Variants in PCDHA9 observed in about 807,000 individuals in gnomAD.
PCDHA9 encodes the protein protocadherin alpha-9.
PCDHA9 carries 62 observed loss-of-function variants against 62.0 expected under a neutral mutation model. The ratio of observed to expected loss-of-function variants is 1.00; its 90% CI spans 0.81 to 1.23. The LOEUF is 1.23. PCDHA9 is among the 50% of genes most tolerant of loss of function. The pLI, the probability that PCDHA9 is intolerant of heterozygous loss-of-function variation, is 0.00. For missense variants in PCDHA9, 1,205 were observed against 1,249.8 expected, an observed-to-expected ratio of 0.96 and a Z score of 0.54; for synonymous variants, 557 against 567.6, an observed-to-expected ratio of 0.98 and a Z score of 0.27.
chr5:140,942,280 C>T (rs1157451404), intron 1 of PCDHA9, among the ~76,000 whole-genome samples: 6 of 152,030 alleles, frequency 3.9e-5, no homozygotes, highest in African/African-American at 1.5e-4. Context: ...AATGGTGGCT[C>T]ATGCCTGTAA....
chr5:140,908,846 T>C (rs2074185614), intron 1 of PCDHA9, among the ~76,000 whole-genome samples: 1 of 152,176 alleles, frequency 6.6e-6, no homozygotes, highest in South Asian at 2.1e-4. Context: ...TGGAGTAACA[T>C]ACCCAAATGA....
intron 1 of PCDHA9, among the ~76,000 whole-genome samples, chr5:140,936,386 A>C (rs1321919652): frequency 6.6e-6 from 1 of 152,190 alleles, no homozygotes; most frequent in African/African-American, 2.4e-5. Context: ...GTGGCTAGTG[A>C]AACTGGGCTA....
chr5:140,959,116 G>A (rs2095468018), intron 1 of PCDHA9, among the ~76,000 whole-genome samples: 1 of 152,002 alleles, frequency 6.6e-6, no homozygotes, highest in South Asian at 2.1e-4. Context: ...TCCGAAGGTG[G>A]GCGAGGTGAG....
intron 1 of PCDHA9, chr5:140,968,944 G>C (rs782732835): frequency 1.2e-6 from 2 of 1,614,152 alleles, no homozygotes; most frequent in Non-Finnish European, 8.5e-7. Context: ...TCATCATTTT[G>C]AGCATCATCA....
intron 1 of PCDHA9, among the ~76,000 whole-genome samples, chr5:140,932,017 G>GT (rs1385498128): frequency 2.6e-5 from 4 of 151,792 alleles, no homozygotes; most frequent in African/African-American, 9.7e-5. Context: ...TTAGTTTACG[G>GT]TAAGTTTACA....
chr5:140,850,690 G>A lies in PCDHA9; in HGVS notation c.2195G>A (p.Cys732Tyr). 6.3e-7 allele frequency: 1 copy of A among 1,598,402 alleles called. No individual in the cohort carries two copies. The highest frequency in any genetic ancestry group is 8.6e-7 in the Non-Finnish European group (1 of 1,167,830). ...TCGGCGATGCCCACCGAGGGCGAGT[G>A]CGCGCCTGGCAAGCCGACGCTGGTG... ...RCSAMPTEGE[C>Y]APGKPTLVCS... The change falls in exon 1 of 4, where the codon TGC becomes TAC. Residue 732 changes from cysteine (C) to tyrosine (Y), a missense_variant. By Grantham distance (194) the Cys-to-Tyr change is radical. Coordinates refer to ENST00000532602, the MANE Select transcript of PCDHA9 (RefSeq NM_031857.2).
At chr5:140,933,630 C>T (rs2089281438) in intron 1 of PCDHA9, among the ~76,000 whole-genome samples, 1 of 151,952 alleles carries the variant, frequency 6.6e-6, no homozygotes, top group Admixed American at 6.6e-5. Flanking sequence ...TAGGCTGGCC[C>T]TGTTAAACAA....
intron 1 of PCDHA9, chr5:140,876,844 C>T (rs200154646): frequency 1.2e-6 from 2 of 1,614,016 alleles, no homozygotes; most frequent in East Asian, 2.2e-5. Context: ...GTTCGCGCAG[C>T]CCGAGTACAC....
intron 1 of PCDHA9, chr5:140,875,824 C>T (rs1554167977): frequency 7.4e-6 from 12 of 1,614,156 alleles, no homozygotes; most frequent in East Asian, 2.2e-5. Context: ...GCAGGTTTTC[C>T]ATGTGGACGT....
At chr5:140,892,236 C>T (rs1490048562) in intron 1 of PCDHA9, among the ~76,000 whole-genome samples, 3 of 152,140 alleles carry the variant, frequency 2.0e-5, no homozygotes, top group African/African-American at 7.2e-5. Context: ...TTTGTCTCCA[C>T]ATAAACCTGG....
intron 1 of PCDHA9, among the ~76,000 whole-genome samples, chr5:140,945,407 T>G (rs554073823): frequency 6.6e-6 from 1 of 152,128 alleles, no homozygotes; most frequent in Non-Finnish European, 1.5e-5. Context: ...ATACAATTCG[T>G]ATCAAAATTT....
At chr5:140,882,454 C>G (rs782708863) in intron 1 of PCDHA9, 12 of 1,613,934 alleles carry the variant, frequency 7.4e-6, no homozygotes, top group Non-Finnish European at 1.0e-5. Flanking sequence ...TGGTGCCGCG[C>G]CTGTTCCGGG....
At chr5:140,984,693 A>G (rs1587034361) in intron 3 of PCDHA9, among the ~76,000 whole-genome samples, 1 of 152,264 alleles carries the variant, frequency 6.6e-6, no homozygotes, top group East Asian at 1.9e-4. Flanking sequence ...TATGTTCTGC[A>G]CTGCTTGGAG....
chr5:140,871,326 C>T (rs2052980774), intron 1 of PCDHA9: 1 of 1,613,978 alleles, frequency 6.2e-7, no homozygotes, highest in African/African-American at 1.3e-5. Context: ...TGGTGTGCTC[C>T]CGCGCGGTGG....
chr5:140,975,903 C>A (rs1189531342), intron 1 of PCDHA9, among the ~76,000 whole-genome samples: 1 of 152,090 alleles, frequency 6.6e-6, no homozygotes, highest in Admixed American at 6.6e-5. Context: ...AGTTTTGTGA[C>A]CATTATTCTA....
chr5:140,905,011 T>A (rs551000720), intron 1 of PCDHA9, among the ~76,000 whole-genome samples: 44 of 152,296 alleles, frequency 2.9e-4, no homozygotes, highest in African/African-American at 1.0e-3. Context: ...CTTTGCTAAT[T>A]CTTTTCTATG....
intron 1 of PCDHA9, among the ~76,000 whole-genome samples, chr5:140,934,534 G>GT (rs1563143363): frequency 2.6e-5 from 4 of 152,064 alleles, no homozygotes; most frequent in Non-Finnish European, 4.4e-5. Flanking sequence ...GAGAGCTACC[G>GT]TTCTAATTCT....
rs781815387 is a variant in PCDHA9, at chr5:140,978,983, C to A, written c.2429C>A (p.Ala810Asp). The part of the protein sequence containing the change: ...RQPNPDWRYS[A>D]SLRAGMHSSV... Reference sequence around the variant, plus strand: ...CCCAACCCTGACTGGCGTTACTCTGCCTCCCTGAGAGCAGGCATGCACAGG... The same window carrying A: ...CCCAACCCTGACTGGCGTTACTCTGACTCCCTGAGAGCAGGCATGCACAGG... Residue 810 changes from alanine (A) to aspartate (D), a missense_variant, in exon 2 of 4, where the codon GCC (alanine) becomes GAC (aspartate). By Grantham distance (126) the Ala-to-Asp change is moderately radical. Transcript: ENST00000532602. 1.6e-5 allele frequency: 26 copies of A among 1,614,142 alleles called. No homozygotes were observed. Among genetic ancestry groups the A allele is most frequent in the Non-Finnish European group, 2.2e-5 (26 of 1,180,024 alleles).
intron 3 of PCDHA9, among the ~76,000 whole-genome samples, chr5:141,005,506 A>G (rs1462164149): frequency 1.3e-5 from 2 of 151,786 alleles, no homozygotes; most frequent in East Asian, 3.9e-4. Flanking sequence ...GATCGAGACC[A>G]TCCTGGCTAA....
Sources: allele counts gnomAD v4.1 joint callset (sites outside exome capture counted in the v4.1 genomes callset), GRCh38; gene constraint gnomAD v4.1.1; transcripts MANE v1.5; gene names NCBI Gene and HGNC (gene_info 2026-07-23, HGNC 2026-07-21).